Variants in MTHFD1L observed in about 807,000 individuals in gnomAD.
MTHFD1L encodes methylenetetrahydrofolate dehydrogenase (NADP+ dependent) 1 like, also known as monofunctional C1-tetrahydrofolate synthase, mitochondrial.
A neutral mutation model predicts 119.5 loss-of-function variants in MTHFD1L; 81 were observed. That is an observed-to-expected ratio of 0.68 (90% confidence interval 0.57 to 0.82). The LOEUF (loss-of-function observed/expected upper bound fraction) is 0.82, where lower values mean the gene tolerates loss of function less well. Among genes scored for constraint, MTHFD1L ranks in the 40% least tolerant of loss-of-function variants. The probability of loss-of-function intolerance (pLI) is 0.00; values close to 1 mark genes in which losing one functional copy is unlikely to be tolerated. For missense variants in MTHFD1L, 1,125 were observed against 1,253.4 expected (o/e 0.90, Z 1.55); for synonymous variants, 430 against 475.2 (o/e 0.90, Z 1.24).
chr6:150,954,073 C>G (rs562389324), intron 16 of MTHFD1L, among the ~76,000 whole-genome samples: 2 of 152,318 alleles, frequency 1.3e-5, no homozygotes, highest in East Asian at 3.9e-4. Context: ...CTAACAACAG[C>G]CGAGTCAGGG....
rs1254981530 is a variant in MTHFD1L, at chr6:150,923,537, A to ATTTAT, written c.1082+1238_1082+1239insATTTT. Among the ~76,000 whole-genome samples, 90 of 95,222 alleles carry ATTTAT rather than the reference A, an allele frequency of 9.5e-4. 1 individual carries two copies. Among genetic ancestry groups the ATTTAT allele is most frequent in the African/African-American group, 4.2e-3 (84 of 19,784 alleles). 62.5% of individuals were successfully genotyped at this position (95,222 alleles called of 152,430 possible). A position where few individuals can be genotyped will look rare whatever the true frequency, so the allele number is the denominator to read the frequency against. ...TATTTATTTATTTATTTATTTATTT[A>ATTTAT]TTTTTTCTTTTTTTTTTTTTTTTTT... is the stretch of plus-strand genomic sequence containing the variant. On this transcript the variant is annotated intron_variant, in intron 10 of 27. Coordinates refer to ENST00000367321, the MANE Select transcript of MTHFD1L (RefSeq NM_015440.5).
intron 17 of MTHFD1L, among the ~76,000 whole-genome samples, chr6:150,956,875 CT>C (rs35825047): frequency 0.29 from 44,653 of 152,000 alleles, 6,848 homozygotes; most frequent in East Asian, 0.49. Context: ...AGAAGAGAAA[CT>C]TAAGTTCGTG....
intron 15 of MTHFD1L, 131 bp downstream of exon 15, chr6:150,945,672 T>A: frequency 1.3e-6 from 1 of 788,576 alleles, no homozygotes. Context: ...TTAAACTCTA[T>A]AGAGACCGAA....
At chr6:151,052,611 G>T (rs1215863627) in intron 26 of MTHFD1L, among the ~76,000 whole-genome samples, 1 of 152,212 alleles carries the variant, frequency 6.6e-6, no homozygotes, top group African/African-American at 2.4e-5. Context: ...GGCTGCCGCT[G>T]GGAGTTGAGC....
intron 26 of MTHFD1L, among the ~76,000 whole-genome samples, chr6:151,089,716 T>A (rs1195308755): frequency 6.6e-6 from 1 of 152,224 alleles, no homozygotes; most frequent in Non-Finnish European, 1.5e-5. Context: ...GAAAAAAATA[T>A]GTGTCCACCA....
intron 16 of MTHFD1L, 71 bp downstream of exon 16, chr6:150,949,204 T>A: frequency 8.1e-7 from 1 of 1,231,592 alleles, no homozygotes; most frequent in African/African-American, 1.5e-5. Context: ...AGCGCTTAAA[T>A]TCAGAAACTT....
chr6:151,001,022 ATTAAG>A (rs1471332816), intron 20 of MTHFD1L, among the ~76,000 whole-genome samples: 2 of 152,196 alleles, frequency 1.3e-5, no homozygotes, highest in Non-Finnish European at 2.9e-5. Flanking sequence ...TCTTTTGATG[ATTAAG>A]TTAGCCAGAT....
chr6:151,094,140 G>A (rs1036262514), intron 27 of MTHFD1L, among the ~76,000 whole-genome samples: 4 of 152,110 alleles, frequency 2.6e-5, no homozygotes, highest in Non-Finnish European at 5.9e-5. Flanking sequence ...ATATTCTAAA[G>A]ACACATTCTT....
At chr6:150,928,941 G>A (rs934355983) in intron 11 of MTHFD1L, among the ~76,000 whole-genome samples, 8 of 152,226 alleles carry the variant, frequency 5.3e-5, no homozygotes, top group Admixed American at 3.3e-4. Flanking sequence ...CCACACCTTG[G>A]TTGCCTGTGG....
intron 7 of MTHFD1L, among the ~76,000 whole-genome samples, chr6:150,892,175 G>A (rs973457339): frequency 2.6e-5 from 4 of 152,196 alleles, no homozygotes; most frequent in Non-Finnish European, 5.9e-5. Flanking sequence ...AGTGGAAGAG[G>A]AAAATAAACC....
At chr6:150,980,679 TCTC>T (rs1185046755) in intron 20 of MTHFD1L, among the ~76,000 whole-genome samples, 1 of 144,722 alleles carries the variant, frequency 6.9e-6, no homozygotes, top group Non-Finnish European at 1.5e-5. Context: ...GCAGTTTAAT[TCTC>T]CTGGGCAACA....
At position 151,060,269 on chromosome 6, in the gene MTHFD1L, A is replaced by G. The variant is rs370848727; in HGVS notation, c.2847+23152A>G. Among the ~76,000 whole-genome samples the G allele has an allele frequency of 2.6e-5, 4 of 152,282 alleles. No homozygotes were observed. The South Asian group carries it at 6.2e-4, about 24-fold the overall frequency. Reference sequence around the variant, plus strand: ...CTTTTGGTACACAATCCTCAGATGAACGGAGATGATTCATTAGGCCATTCT... The same window carrying G: ...CTTTTGGTACACAATCCTCAGATGAGCGGAGATGATTCATTAGGCCATTCT... On this transcript the variant is annotated intron_variant, in intron 26 of 27. Transcript: ENST00000367321.
chr6:150,970,429 A>C (rs1466381676), intron 19 of MTHFD1L, among the ~76,000 whole-genome samples: 1 of 152,182 alleles, frequency 6.6e-6, no homozygotes, highest in Non-Finnish European at 1.5e-5. Flanking sequence ...TGGCCATTTC[A>C]ATCTAAATTA....
At chr6:151,085,020 T>C (rs374427387) in intron 26 of MTHFD1L, among the ~76,000 whole-genome samples, 9 of 129,964 alleles carry the variant, frequency 6.9e-5, no homozygotes, top group East Asian at 3.9e-4. Flanking sequence ...TATTTATATA[T>C]GTATATACAC....
chr6:151,059,157 T>G (rs1790340983), intron 26 of MTHFD1L, among the ~76,000 whole-genome samples: 2 of 152,118 alleles, frequency 1.3e-5, no homozygotes, highest in African/African-American at 4.8e-5. Flanking sequence ...CTCCAGGGCC[T>G]TTTAGCTCCA....
At chr6:151,024,503 A>G (rs911918503) in intron 24 of MTHFD1L, among the ~76,000 whole-genome samples, 3 of 151,786 alleles carry the variant, frequency 2.0e-5, no homozygotes, top group African/African-American at 7.3e-5. Flanking sequence ...AGATCACCCC[A>G]CTGCATTCCA....
chr6:150,871,867 T>A (rs1378088786), intron 1 of MTHFD1L, among the ~76,000 whole-genome samples: 1 of 150,648 alleles, frequency 6.6e-6, no homozygotes, highest in Admixed American at 6.6e-5. Context: ...TTTATTTTAT[T>A]TTAATTTAAT....
At chr6:151,030,107 C>T (rs994608896) in intron 24 of MTHFD1L, among the ~76,000 whole-genome samples, 10 of 152,158 alleles carry the variant, frequency 6.6e-5, no homozygotes, top group African/African-American at 2.4e-4. Flanking sequence ...AACGTGCTTG[C>T]GTTTTACACT....
chr6:150,990,662 A>G (rs1778949845), intron 20 of MTHFD1L, among the ~76,000 whole-genome samples: 1 of 151,900 alleles, frequency 6.6e-6, no homozygotes, highest in South Asian at 2.1e-4. Context: ...GGGCTTCACC[A>G]GGTTGGCCAG....
Sources: gnomAD v4.1 joint callset for allele counts (sites outside exome capture counted in the v4.1 genomes callset) on GRCh38, gnomAD v4.1.1 for gene constraint, MANE v1.5 for transcripts, NCBI Gene and HGNC (gene_info 2026-07-23, HGNC 2026-07-21) for gene names.